Variants in NOX4 observed in about 807,000 individuals in gnomAD.
The protein encoded by NOX4 is NADPH oxidase 4.
A neutral mutation model predicts 87.6 loss-of-function variants in NOX4; 69 were observed. The ratio of observed to expected loss-of-function variants is 0.79; its 90% CI spans 0.65 to 0.96. NOX4 has a LOEUF of 0.96. Ranked by LOEUF, NOX4 falls within the 40% of genes least tolerant of loss-of-function variation. NOX4 has a pLI of 0.00. For synonymous variants in NOX4, 275 were observed against 238.2 expected, an observed-to-expected ratio of 1.15 and a Z score of -1.42; for missense variants, 680 against 681.5, an observed-to-expected ratio of 1.00 and a Z score of 0.02.
rs147145871 is a variant in NOX4 at position 89,326,473 on chromosome 11, C to T, written c.*283G>A. ...CTCCTCACTAGGGAGTTCTTGAATC[C>T]ACCATGAAAATCAACAGTGTGCATC... On this transcript the variant is annotated 3_prime_UTR_variant, in exon 18 of 18. Transcript: ENST00000263317. 1 of 215,022 alleles carries T rather than the reference C, an allele frequency of 4.7e-6. No homozygotes were observed. The highest frequency in any genetic ancestry group is 1.1e-4 in the East Asian group (1 of 8,714). The allele number at this position is 215,022 out of a possible 1,614,324, so 13.3% of individuals were successfully genotyped here. A position where few individuals can be genotyped will look rare whatever the true frequency, so the allele number is the denominator to read the frequency against.
the NOX4 span, among the ~76,000 whole-genome samples, chr11:89,529,342 A>C: frequency 6.6e-6 from 1 of 152,192 alleles, no homozygotes; most frequent in African/African-American, 2.4e-5. Flanking sequence ...AAATGTGTTC[A>C]ATTTATAATC....
At chr11:89,429,674 C>G (rs1258771918) in intron 7 of NOX4, among the ~76,000 whole-genome samples, 4 of 151,946 alleles carry the variant, frequency 2.6e-5, no homozygotes, top group Non-Finnish European at 4.4e-5. Context: ...AAGATGAATC[C>G]CTGAATAGAC....
intron 11 of NOX4, among the ~76,000 whole-genome samples, chr11:89,388,958 G>C (rs191313102): frequency 6.6e-6 from 1 of 152,084 alleles, no homozygotes; most frequent in Non-Finnish European, 1.5e-5. Flanking sequence ...ATCATTAACT[G>C]CACTTTTATA....
intron 12 of NOX4, among the ~76,000 whole-genome samples, chr11:89,371,814 C>G (rs1350602413): frequency 1.3e-5 from 2 of 151,830 alleles, no homozygotes; most frequent in Non-Finnish European, 2.9e-5. Context: ...TGAAAATTAT[C>G]CATGTAAGCC....
At chr11:89,347,637 C>T (rs1946274506) in intron 13 of NOX4, among the ~76,000 whole-genome samples, 1 of 152,118 alleles carries the variant, frequency 6.6e-6, no homozygotes, top group Non-Finnish European at 1.5e-5. Flanking sequence ...CAGAATGTGA[C>T]TCAAGGGAAA....
chr11:89,373,984 C>T (rs1939651938), intron 11 of NOX4, among the ~76,000 whole-genome samples: 1 of 151,840 alleles, frequency 6.6e-6, no homozygotes, highest in South Asian at 2.1e-4. Flanking sequence ...TATTTCATTC[C>T]CTCCCTTAAT....
At chr11:89,399,432 A>AAT (rs1208007737) in intron 11 of NOX4, among the ~76,000 whole-genome samples, 10,551 of 74,614 alleles carry the variant, frequency 0.14, 674 homozygotes, top group Non-Finnish European at 0.19. Flanking sequence ...CAAGAAATTA[A>AAT]ATATATATAT....
the NOX4 span, among the ~76,000 whole-genome samples, chr11:89,506,024 T>C: frequency 6.6e-6 from 1 of 151,840 alleles, no homozygotes; most frequent in African/African-American, 2.4e-5. Context: ...TGTATATTTA[T>C]GGTATTGATA....
intron 11 of NOX4, among the ~76,000 whole-genome samples, chr11:89,373,850 C>CT (rs913865459): frequency 2.2e-4 from 34 of 151,998 alleles, no homozygotes; most frequent in African/African-American, 8.2e-4. Flanking sequence ...AAAACTAATG[C>CT]TTTTTTGTGT....
At chr11:89,344,339 T>C (rs1015269896) in intron 13 of NOX4, among the ~76,000 whole-genome samples, 3 of 152,186 alleles carry the variant, frequency 2.0e-5, no homozygotes, top group Non-Finnish European at 4.4e-5. Flanking sequence ...GGCAGGAGGA[T>C]GGCTTAGGGC....
chr11:89,374,160 T>A (rs989646652), intron 11 of NOX4, among the ~76,000 whole-genome samples: 8 of 151,870 alleles, frequency 5.3e-5, no homozygotes, highest in Non-Finnish European at 7.4e-5. Flanking sequence ...AAATGAAAAA[T>A]TTCTTCTTGT....
chr11:89,555,506 T>C, the NOX4 span, among the ~76,000 whole-genome samples: 1 of 152,154 alleles, frequency 6.6e-6, no homozygotes, highest in Non-Finnish European at 1.5e-5. Flanking sequence ...GTTTTTAGTG[T>C]GCTTTCTTAT....
chr11:89,454,136 TTC>T (rs1193379249), intron 2 of NOX4, among the ~76,000 whole-genome samples: 2 of 152,290 alleles, frequency 1.3e-5, no homozygotes, highest in East Asian at 3.9e-4. Flanking sequence ...AGCATAATTA[TTC>T]TGTTACTTCC....
intron 2 of NOX4, among the ~76,000 whole-genome samples, chr11:89,481,840 G>T (rs1946402300): frequency 6.6e-6 from 1 of 152,016 alleles, no homozygotes; most frequent in Non-Finnish European, 1.5e-5. Context: ...CTCCCTCCAG[G>T]CTGAGCATTG....
At chr11:89,403,555 C>T (rs1941996086) in intron 8 of NOX4, among the ~76,000 whole-genome samples, 1 of 152,012 alleles carries the variant, frequency 6.6e-6, no homozygotes, top group Non-Finnish European at 1.5e-5. Flanking sequence ...GCCTGACCAA[C>T]AGGGAGAAGC....
the NOX4 span, among the ~76,000 whole-genome samples, chr11:89,538,999 T>C: frequency 6.6e-6 from 1 of 151,992 alleles, no homozygotes; most frequent in African/African-American, 2.4e-5. Flanking sequence ...GCACTCTCTC[T>C]TTTCCCCAAC....
intron 2 of NOX4, among the ~76,000 whole-genome samples, chr11:89,466,587 A>T (rs1421496760): frequency 1.3e-5 from 2 of 152,214 alleles, no homozygotes; most frequent in Non-Finnish European, 2.9e-5. Context: ...ACACATATTT[A>T]TTGTAATCGG....
At chr11:89,395,281 G>T (rs918243183) in intron 11 of NOX4, among the ~76,000 whole-genome samples, 7 of 152,052 alleles carry the variant, frequency 4.6e-5, no homozygotes, top group African/African-American at 1.2e-4. Context: ...TCATGTGTCT[G>T]TTGGCTGCAT....
At chr11:89,513,522 A>C in the NOX4 span, among the ~76,000 whole-genome samples, 33 of 152,146 alleles carry the variant, frequency 2.2e-4, no homozygotes, top group African/African-American at 7.9e-4. Flanking sequence ...AATTTTTCAA[A>C]CATAAGCAAA....
Sources: gnomAD v4.1 joint callset for allele counts (sites outside exome capture counted in the v4.1 genomes callset) on GRCh38, gnomAD v4.1.1 for gene constraint, MANE v1.5 for transcripts, NCBI Gene and HGNC (gene_info 2026-07-23, HGNC 2026-07-21) for gene names.